Variants in LYPLAL1 observed in about 807,000 individuals in gnomAD.
LYPLAL1 encodes the protein lysophospholipase-like protein 1.
Under a neutral mutation model 19.7 loss-of-function variants are expected in LYPLAL1, and 23 were observed. That is an observed-to-expected ratio of 1.17 (90% CI 0.84 to 1.65). LYPLAL1 has a LOEUF of 1.65. Among genes scored for constraint, LYPLAL1 ranks in the 40% most tolerant of loss-of-function variants. The probability of loss-of-function intolerance (pLI) is 0.00; values close to 1 mark genes in which losing one functional copy is unlikely to be tolerated. For synonymous variants in LYPLAL1, 119 were observed against 96.3 expected (o/e 1.24, Z -1.38); for missense variants, 355 against 279.4 (o/e 1.27, Z -1.93).
At chr1:219,442,054 C>T in the LYPLAL1 span, among the ~76,000 whole-genome samples, 1 of 152,136 alleles carries the variant, frequency 6.6e-6, no homozygotes, top group East Asian at 1.9e-4. Flanking sequence ...TTTCAGTTTC[C>T]TCATCTGGCA....
chr1:219,183,727 G>A (rs1656481700), intron 2 of LYPLAL1, among the ~76,000 whole-genome samples: 1 of 151,652 alleles, frequency 6.6e-6, no homozygotes, highest in African/African-American at 2.4e-5. Flanking sequence ...ATTCAAATTG[G>A]TATTTTTGGG....
chr1:219,222,938 T>C, the LYPLAL1 span: 1 of 152,276 alleles, frequency 6.6e-6, no homozygotes, highest in South Asian at 2.1e-4. Context: ...ACTTCTGTTA[T>C]AAGAGCACTA....
At chr1:219,361,685 A>G in the LYPLAL1 span, among the ~76,000 whole-genome samples, 1 of 152,154 alleles carries the variant, frequency 6.6e-6, no homozygotes, top group Non-Finnish European at 1.5e-5. Context: ...TCTTAGAAAC[A>G]GGAAAAGTTG....
At chr1:219,395,391 T>G in the LYPLAL1 span, among the ~76,000 whole-genome samples, 4 of 152,332 alleles carry the variant, frequency 2.6e-5, no homozygotes, top group Admixed American at 2.6e-4. Context: ...TTGTGTTTTT[T>G]TTCTCATATG....
intron 2 of LYPLAL1, among the ~76,000 whole-genome samples, chr1:219,182,779 A>G (rs1656398515): frequency 6.6e-6 from 1 of 152,002 alleles, no homozygotes; most frequent in South Asian, 2.1e-4. Flanking sequence ...CCTATAAGGT[A>G]TATTGAAGAT....
the LYPLAL1 span, among the ~76,000 whole-genome samples, chr1:219,319,435 T>G: frequency 6.6e-6 from 1 of 152,128 alleles, no homozygotes. Context: ...ATGAGGCTGA[T>G]TCTGGAAATG....
chr1:219,213,449 A>C (rs1325435300), downstream of LYPLAL1, among the ~76,000 whole-genome samples: 1 of 151,942 alleles, frequency 6.6e-6, no homozygotes, highest in Non-Finnish European at 1.5e-5. Context: ...CTACAAAAAA[A>C]AAAAATTCTT....
chr1:219,244,897 A>T, the LYPLAL1 span, among the ~76,000 whole-genome samples: 1 of 139,786 alleles, frequency 7.2e-6, no homozygotes, highest in Admixed American at 7.4e-5. Context: ...CAGTGAGATG[A>T]GATCATGCCA....
At chr1:219,399,902 GC>G in the LYPLAL1 span, among the ~76,000 whole-genome samples, 1 of 152,268 alleles carries the variant, frequency 6.6e-6, no homozygotes, top group East Asian at 1.9e-4. Context: ...TGCTACAGAT[GC>G]TCCCACACCA....
the LYPLAL1 span, among the ~76,000 whole-genome samples, chr1:219,351,063 C>T: frequency 6.6e-6 from 1 of 151,836 alleles, no homozygotes; most frequent in Non-Finnish European, 1.5e-5. Flanking sequence ...CTGTGACTAC[C>T]TAAAGCTCTG....
chr1:219,295,165 C>T, the LYPLAL1 span, among the ~76,000 whole-genome samples: 2 of 152,292 alleles, frequency 1.3e-5, no homozygotes, highest in South Asian at 4.1e-4. Flanking sequence ...AGTTTCTTAA[C>T]TTGCCTATGC....
chr1:219,179,613 T>C (rs1174456161), intron 2 of LYPLAL1, among the ~76,000 whole-genome samples: 1 of 152,240 alleles, frequency 6.6e-6, no homozygotes, highest in Non-Finnish European at 1.5e-5. Flanking sequence ...TCTAATAATT[T>C]AGTTAAGCCA....
the LYPLAL1 span, among the ~76,000 whole-genome samples, chr1:219,258,705 T>A: frequency 6.6e-6 from 1 of 151,970 alleles, no homozygotes. Context: ...CTATATTACT[T>A]CTTCTTTCTT....
chr1:219,336,900 C>A, the LYPLAL1 span, among the ~76,000 whole-genome samples: 4 of 151,818 alleles, frequency 2.6e-5, no homozygotes, highest in South Asian at 8.3e-4. Flanking sequence ...TCAAAATTAC[C>A]ATAAATTTAA....
At chr1:219,205,932 A>G (rs990282418) in intron 3 of LYPLAL1, among the ~76,000 whole-genome samples, 1 of 152,194 alleles carries the variant, frequency 6.6e-6, no homozygotes, top group African/African-American at 2.4e-5. Context: ...CAAGTTTTGT[A>G]TGAGAGGAGA....
Position 219,204,723 on chromosome 1 carries a change from G to C in LYPLAL1, c.362-5809G>C, listed in dbSNP as rs971835218. The stretch of plus-strand genomic sequence containing the variant: ...GGATATAATTATTTTCATTTCAGAG[G>C]TGAAGAAACTAAAATTCAAAGTGTT... On this transcript the variant is annotated intron_variant, in intron 3 of 4. Coordinates refer to ENST00000366928, the MANE Select transcript of LYPLAL1 (RefSeq NM_138794.5). Among the ~76,000 whole-genome samples, 21 of 152,270 alleles carry C rather than the reference G, an allele frequency of 1.4e-4. No homozygotes were observed. In the East Asian group the frequency reaches 1.5e-3, roughly 11 times the overall value.
the LYPLAL1 span, among the ~76,000 whole-genome samples, chr1:219,289,711 T>C: frequency 6.1e-4 from 93 of 152,306 alleles, no homozygotes; most frequent in African/African-American, 2.1e-3. Context: ...TGTCAAACAC[T>C]TTCAAGCGTA....
At chr1:219,267,718 A>C in the LYPLAL1 span, among the ~76,000 whole-genome samples, 1 of 152,222 alleles carries the variant, frequency 6.6e-6, no homozygotes, top group Non-Finnish European at 1.5e-5. Flanking sequence ...AGCTTCAATA[A>C]GTAATTTGCC....
the LYPLAL1 span, among the ~76,000 whole-genome samples, chr1:219,395,048 A>T: frequency 6.6e-6 from 1 of 152,182 alleles, no homozygotes; most frequent in Non-Finnish European, 1.5e-5. Flanking sequence ...AACTGATTTA[A>T]TGTCTTTGCT....
Sources: allele counts gnomAD v4.1 joint callset (sites outside exome capture counted in the v4.1 genomes callset), GRCh38; gene constraint gnomAD v4.1.1; transcripts MANE v1.5; gene names NCBI Gene and HGNC (gene_info 2026-07-23, HGNC 2026-07-21).